The following EMX2 variants were observed in gnomAD, a reference collection of about 807,000 sequenced individuals.
The protein encoded by EMX2 is empty spiracles homeobox 2, also known as homeobox protein EMX2.
Under a neutral mutation model 23.0 loss-of-function variants are expected in EMX2, and 6 were observed. The ratio of observed to expected loss-of-function variants is 0.26; its 90% CI spans 0.14 to 0.52. The LOEUF (loss-of-function observed/expected upper bound fraction) is 0.52. EMX2 is among the 20% of genes least tolerant of loss of function. EMX2 has a pLI of 0.97. For missense variants in EMX2, 302 were observed against 341.4 expected (o/e 0.88, Z 0.91); for synonymous variants, 175 against 153.3 (o/e 1.14, Z -1.04).
intron 2 of EMX2, among the ~76,000 whole-genome samples, chr10:117,547,604 G>A (rs951663569): frequency 3.3e-5 from 5 of 152,230 alleles, no homozygotes; most frequent in African/African-American, 1.2e-4. Context: ...AAAATAGAAA[G>A]CACATTGGGC....
In EMX2 at chr10:117,545,579, G is replaced by A. The variant is rs1044239721; in HGVS notation, c.407-53G>A. ...CCAGCCCGGCTCGGGAGAAGTGCGC[G>A]GCTCCGGTCAGAGCAGCCCCCCCTA... On this transcript the variant is annotated intron_variant, in intron 1 of 2. Transcript: ENST00000553456. 9 of 1,607,608 alleles carry A rather than the reference G, an allele frequency of 5.6e-6. No homozygotes were observed. The African/African-American group carries it at 1.2e-4, about 22-fold the overall frequency.
intron 1 of EMX2, chr10:117,544,730 G>A (rs1846550761): frequency 6.6e-6 from 1 of 152,196 alleles, no homozygotes; most frequent in Admixed American, 6.5e-5. Context: ...ATCCCGAACT[G>A]GATTTGCCTG....
At chr10:117,545,393 C>T (rs1846562096) in intron 1 of EMX2, among the ~76,000 whole-genome samples, 2 of 152,194 alleles carry the variant, frequency 1.3e-5, no homozygotes, top group East Asian at 1.9e-4. Flanking sequence ...TGGGGACTGG[C>T]TCCTCTGCGA....
chr10:117,543,467 C>G lies in EMX2; in HGVS notation c.200C>G (p.Pro67Arg). ...GCCGGTAGGGGCGTCTACTCCAACC[C>G]GGACTTGGTGTTCGCCGAGGCGGTC... ...AAAGRGVYSN[P>R]DLVFAEAVSH... is the part of the protein sequence containing the mutation. The change falls in exon 1 of 3, where the codon CCG (proline) becomes CGG (arginine). Residue 67 changes from proline (P) to arginine (R), a missense_variant. By Grantham distance (103) the Pro-to-Arg change is moderately radical. This residue lies in a region of EMX2 where 221 missense variants were observed against 206.8 expected (regional missense o/e 1.07). Transcript: ENST00000553456. 1 of 1,609,798 alleles carries G rather than the reference C, an allele frequency of 6.2e-7. No homozygotes were observed. The highest frequency in any genetic ancestry group is 1.3e-5 in the African/African-American group (1 of 74,858).
At chr10:117,547,561 G>C (rs1846596704) in intron 2 of EMX2, among the ~76,000 whole-genome samples, 1 of 152,174 alleles carries the variant, frequency 6.6e-6, no homozygotes, top group African/African-American at 2.4e-5. Context: ...AAGAGGAGAC[G>C]CTATATTTAG....
chr10:117,548,573 A>C lies in EMX2; in HGVS notation c.*341A>C. ...AAGAGAGAGAGAGAGAGAGAGAGAGAAAGCTGAACGTGCACTCTGACAAGG... is the reference window on the plus strand; with the variant it reads ...AAGAGAGAGAGAGAGAGAGAGAGAGCAAGCTGAACGTGCACTCTGACAAGG... On this transcript the variant is annotated 3_prime_UTR_variant, in exon 3 of 3. Coordinates refer to ENST00000553456, the MANE Select transcript of EMX2 (RefSeq NM_004098.4). 1 of 466,204 alleles carries C rather than the reference A, an allele frequency of 2.1e-6. No homozygotes were observed. The highest frequency in any genetic ancestry group is 4.7e-5 in the South Asian group (1 of 21,376). The allele number at this position is 466,204 out of a possible 1,614,324, so 28.9% of individuals were successfully genotyped here.
chr10:117,543,974 C>G (rs1205578875), intron 1 of EMX2, among the ~76,000 whole-genome samples: 1 of 152,208 alleles, frequency 6.6e-6, no homozygotes, highest in Non-Finnish European at 1.5e-5. Context: ...TGTGCGTGCC[C>G]GGCGCCGCGG....
Position 117,548,383 on chromosome 10 carries a change from C to A in EMX2, c.*151C>A. 1.6e-6 allele frequency: 2 copies of A among 1,263,764 alleles called. No individual in the cohort carries two copies. Among genetic ancestry groups the A allele is most frequent in the South Asian group, 1.4e-5 (1 of 70,670 alleles). The allele number at this position is 1,263,764 out of a possible 1,614,324, so 78.3% of individuals were successfully genotyped here. On this transcript the variant is annotated 3_prime_UTR_variant, in exon 3 of 3. Transcript: ENST00000553456. Reference sequence around the variant, plus strand: ...AATCGGAGGGAGCAGCGGAATGCGGCGAAGACTCTGGACAGCGAGGGCACA... The same window carrying A: ...AATCGGAGGGAGCAGCGGAATGCGGAGAAGACTCTGGACAGCGAGGGCACA...
At chr10:117,547,758 G>A (rs1846599990) in intron 2 of EMX2, among the ~76,000 whole-genome samples, 1 of 152,226 alleles carries the variant, frequency 6.6e-6, no homozygotes, top group Admixed American at 6.5e-5. Context: ...TGCTCTCAGC[G>A]GGATATAGAT....
chr10:117,546,041 G>A (rs1175124967), intron 2 of EMX2, among the ~76,000 whole-genome samples: 1 of 152,214 alleles, frequency 6.6e-6, no homozygotes, highest in African/African-American at 2.4e-5. Context: ...GGGGAAACGC[G>A]CCGAGTTGTT....
chr10:117,544,222 T>C, intron 1 of EMX2: 1 of 168,186 alleles, frequency 5.9e-6, no homozygotes, highest in South Asian at 1.7e-4. Context: ...GATTTGTTTT[T>C]TCTTTCCTGC....
At chr10:117,545,882 A>G in intron 2 of EMX2, 66 bp downstream of exon 2, 1 of 1,606,918 alleles carries the variant, frequency 6.2e-7, no homozygotes. Flanking sequence ...CTGGCTCCCA[A>G]GCACACCCAT....
At position 117,548,554 on chromosome 10, in the gene EMX2, G is replaced by C; in HGVS notation, c.*322G>C. On this transcript the variant is annotated 3_prime_UTR_variant, in exon 3 of 3. Coordinates refer to ENST00000553456, the MANE Select transcript of EMX2 (RefSeq NM_004098.4). ...AGAGAGAGAAAGAGAGAGAAAGAGA[G>C]AGAGAGAGAGAGAGAGAGAAAGCTG... 4.8e-6 allele frequency: 1 copy of C among 206,540 alleles called. No individual in the cohort carries two copies. The highest frequency in any genetic ancestry group is 8.7e-5 in the South Asian group (1 of 11,520). The allele number at this position is 206,540 out of a possible 1,614,324, so 12.8% of individuals were successfully genotyped here. A position where few individuals can be genotyped will look rare whatever the true frequency, so the allele number is the denominator to read the frequency against.
intron 1 of EMX2, 44 bp from the exon 2 acceptor site, chr10:117,545,588 C>A: frequency 6.2e-7 from 1 of 1,611,320 alleles, no homozygotes; most frequent in South Asian, 1.1e-5. Flanking sequence ...CGGCTCCGGT[C>A]AGAGCAGCCC....
At position 117,543,562 on chromosome 10, in the gene EMX2, C is replaced by A; in HGVS notation, c.295C>A (p.Leu99Ile). 6 of 1,613,014 alleles carry A rather than the reference C, an allele frequency of 3.7e-6. No individual in the cohort carries two copies. The highest frequency in any genetic ancestry group is 5.1e-6 in the Non-Finnish European group (6 of 1,179,676). ...PPPHALAAHP[L>I]PSSHSPHPLF... ...GCCGCACGCCCTGGCCGCCCACCCC[C>A]TACCCTCCTCGCACTCGCCACACCC... Residue 99 changes from leucine to isoleucine, a missense_variant, in exon 1 of 3, where the codon CTA becomes ATA. This residue lies in a region of EMX2 where 221 missense variants were observed against 206.8 expected (regional missense o/e 1.07). Transcript: ENST00000553456.
chr10:117,543,176 C>T lies in EMX2; in HGVS notation c.-92C>T, dbSNP rs1367371632. The T allele has an allele frequency of 1.3e-5, 9 of 669,180 alleles. No individual in the cohort carries two copies. In the Admixed American group the frequency reaches 1.5e-4, roughly 11 times the overall value. The allele number at this position is 669,180 out of a possible 1,614,324, so 41.5% of individuals were successfully genotyped here. On this transcript the variant is annotated 5_prime_UTR_variant, in exon 1 of 3. Coordinates refer to ENST00000553456, the MANE Select transcript of EMX2 (RefSeq NM_004098.4). ...CCCAAACAAACGAGTCCCCAATTCT[C>T]GTCCGTCCTCGCCGCGGGCAGCGGG... is the stretch of plus-strand genomic sequence containing the variant.
chr10:117,546,514 C>CT (rs1846580536), intron 2 of EMX2, among the ~76,000 whole-genome samples: 1 of 132,918 alleles, frequency 7.5e-6, no homozygotes, highest in African/African-American at 2.9e-5. Flanking sequence ...CAAACAGTAA[C>CT]GTTTTTTTGG....
At chr10:117,543,780 C>G in intron 1 of EMX2, 107 bp downstream of exon 1, 1 of 1,563,900 alleles carries the variant, frequency 6.4e-7, no homozygotes, top group South Asian at 1.1e-5. Flanking sequence ...GAGGTTCCTC[C>G]GGCTCGCGGG....
In EMX2 at chr10:117,543,232, A is replaced by G. The variant is rs1394485418; in HGVS notation, c.-36A>G. On this transcript the variant is annotated 5_prime_UTR_variant, in exon 1 of 3. Transcript: ENST00000553456. ...GAGGCAGCGTGCGGCGGTCGCCAGGAGCTGGGAGCCCAGGGCGCCCGCTCC... is the reference window on the plus strand; with the variant it reads ...GAGGCAGCGTGCGGCGGTCGCCAGGGGCTGGGAGCCCAGGGCGCCCGCTCC... 26 of 1,305,426 alleles carry G rather than the reference A, an allele frequency of 2.0e-5. No homozygotes were observed. Among genetic ancestry groups the G allele is most frequent in the Middle Eastern group, 3.0e-4 (1 of 3,358 alleles). The allele number at this position is 1,305,426 out of a possible 1,614,324, so 80.9% of individuals were successfully genotyped here. A position where few individuals can be genotyped will look rare whatever the true frequency, so the allele number is the denominator to read the frequency against.
Sources: allele counts gnomAD v4.1 joint callset (sites outside exome capture counted in the v4.1 genomes callset), GRCh38; gene constraint gnomAD v4.1.1; regional missense constraint gnomAD v4.1.1; transcripts MANE v1.5; gene names NCBI Gene and HGNC (gene_info 2026-07-23, HGNC 2026-07-21).